The following IGF2BP2 variants were observed in gnomAD, a reference collection of about 807,000 sequenced individuals.
IGF2BP2 encodes insulin-like growth factor 2 mRNA-binding protein 2.
A neutral mutation model predicts 75.8 loss-of-function variants in IGF2BP2; 17 were observed. The observed-to-expected ratio is 0.22, with a 90% CI of 0.15 to 0.34. IGF2BP2 has a LOEUF of 0.34. Ranked by LOEUF, IGF2BP2 falls within the 10% of genes least tolerant of loss-of-function variation. The pLI, the probability that IGF2BP2 is intolerant of heterozygous loss-of-function variation, is 1.00. For synonymous variants in IGF2BP2, 288 were observed against 295.6 expected (o/e 0.97, Z 0.26); for missense variants, 516 against 772.4 (o/e 0.67, Z 3.93).
At chr3:185,780,754 C>A (rs1016590660) in intron 2 of IGF2BP2, among the ~76,000 whole-genome samples, 3 of 152,144 alleles carry the variant, frequency 2.0e-5, no homozygotes, top group Admixed American at 2.0e-4. Context: ...TATGTATAAT[C>A]ATAATAATAT....
At chr3:185,723,948 AG>A (rs1560361721) in intron 2 of IGF2BP2, among the ~76,000 whole-genome samples, 1 of 152,234 alleles carries the variant, frequency 6.6e-6, no homozygotes, top group Non-Finnish European at 1.5e-5. Flanking sequence ...GCGGGTAAGC[AG>A]GTTCGGTCTG....
chr3:185,649,911 T>G (rs561493530), intron 13 of IGF2BP2, among the ~76,000 whole-genome samples: 3 of 152,204 alleles, frequency 2.0e-5, no homozygotes, highest in Non-Finnish European at 2.9e-5. Flanking sequence ...CAGGGGATTC[T>G]TATCCCATCA....
intron 10 of IGF2BP2, 118 bp from the exon 11 acceptor site, chr3:185,658,527 G>T: frequency 1.3e-6 from 1 of 783,734 alleles, no homozygotes; most frequent in Non-Finnish European, 2.1e-6. Flanking sequence ...TGGCTCCACT[G>T]TCGTGTCTAC....
intron 2 of IGF2BP2, among the ~76,000 whole-genome samples, chr3:185,802,178 GA>G (rs903857429): frequency 1.4e-5 from 2 of 147,576 alleles, no homozygotes; most frequent in East Asian, 2.0e-4. Context: ...CTTAAAATTA[GA>G]AAAAAAAAAG....
Position 185,824,894 on chromosome 3 carries a change from A to G in IGF2BP2, c.67T>C (p.Phe23Leu). 6.4e-7 allele frequency: 1 copy of G among 1,572,710 alleles called. No homozygotes were observed. The highest frequency in any genetic ancestry group is 2.5e-5 in the East Asian group (1 of 40,782). The change falls in exon 1 of 16, where the codon TTT becomes CTT. Residue 23 changes from phenylalanine (F) to leucine (L), a missense_variant. Around this residue, in one of 3 missense-constraint regions of IGF2BP2, gnomAD observed 312 missense variants for 474.5 expected, o/e 0.66. Coordinates refer to ENST00000382199, the MANE Select transcript of IGF2BP2 (RefSeq NM_006548.6). Reference protein sequence around the residue: ...AVTADDLRQLFGDRKLPLAGQ... With the variant: ...AVTADDLRQLLGDRKLPLAGQ... ...GCCAGGGGCAGCTTCCTGTCCCCAA[A>G]GAGCTGCCGGAGGTCGTCGGCGGTG...
At chr3:185,746,897 T>C (rs945017849) in intron 2 of IGF2BP2, among the ~76,000 whole-genome samples, 1 of 152,198 alleles carries the variant, frequency 6.6e-6, no homozygotes, top group South Asian at 2.1e-4. Flanking sequence ...TCTGTAAAGA[T>C]CTAGGTATGC....
At chr3:185,823,992 G>A (rs1741702467) in intron 1 of IGF2BP2, among the ~76,000 whole-genome samples, 1 of 152,182 alleles carries the variant, frequency 6.6e-6, no homozygotes, top group Non-Finnish European at 1.5e-5. Context: ...CTCGTAAAAA[G>A]GTGCTTCTGG....
intron 2 of IGF2BP2, among the ~76,000 whole-genome samples, chr3:185,792,848 G>A (rs1736838275): frequency 4.6e-5 from 7 of 151,452 alleles, no homozygotes; most frequent in Admixed American, 4.6e-4. Flanking sequence ...GTACCACAGA[G>A]AGACCTGCGA....
chr3:185,737,380 G>C (rs1160188860), intron 2 of IGF2BP2, among the ~76,000 whole-genome samples: 1 of 152,162 alleles, frequency 6.6e-6, no homozygotes, highest in Non-Finnish European at 1.5e-5. Context: ...ATTGGACTGG[G>C]AGTCAAAAGT....
intron 2 of IGF2BP2, among the ~76,000 whole-genome samples, chr3:185,797,163 A>G (rs1199921382): frequency 6.6e-6 from 1 of 152,200 alleles, no homozygotes; most frequent in Non-Finnish European, 1.5e-5. Flanking sequence ...TCACCAATCA[A>G]TTATTTCAAC....
intron 2 of IGF2BP2, chr3:185,813,908 A>G (rs1740252013): frequency 6.6e-6 from 1 of 152,332 alleles, no homozygotes; most frequent in South Asian, 2.1e-4. Flanking sequence ...AGAATGAGAG[A>G]GGAAGTGGCC....
chr3:185,728,560 A>G (rs1359818705), intron 2 of IGF2BP2: 3 of 152,242 alleles, frequency 2.0e-5, no homozygotes, highest in African/African-American at 7.2e-5. Flanking sequence ...CCCATCAACC[A>G]GCCAATCACA....
chr3:185,667,069 G>A (rs527976896), intron 10 of IGF2BP2, among the ~76,000 whole-genome samples: 6 of 152,274 alleles, frequency 3.9e-5, no homozygotes, highest in Admixed American at 3.3e-4. Context: ...AGAGACAAAC[G>A]GAAGGGAATA....
intron 2 of IGF2BP2, among the ~76,000 whole-genome samples, chr3:185,727,338 C>A (rs907962995): frequency 2.6e-5 from 4 of 152,132 alleles, no homozygotes; most frequent in Admixed American, 6.5e-5. Flanking sequence ...GATCCAGAGG[C>A]TGTGGGGAGG....
In IGF2BP2 at chr3:185,645,724, G is replaced by A. The variant is rs1212728422; in HGVS notation, c.1708-101C>T. On this transcript the variant is annotated intron_variant, in intron 15 of 15. Coordinates refer to ENST00000382199, the MANE Select transcript of IGF2BP2 (RefSeq NM_006548.6). This position sits in a 1 kb window ranked among gnomAD's most constrained non-coding sequence, Gnocchi z 4.9. ...AGGCTCTGGGGCTTGGGGATGAAGG[G>A]TGGAATGCTCAGACAAGCATCATCT... The A allele has an allele frequency of 3.6e-6, 3 of 829,716 alleles. No individual in the cohort carries two copies. The African/African-American group carries it at 5.0e-5, about 14-fold the overall frequency. The allele number at this position is 829,716 out of a possible 1,614,324, so 51.4% of individuals were successfully genotyped here. A position where few individuals can be genotyped will look rare whatever the true frequency, so the allele number is the denominator to read the frequency against.
chr3:185,658,526 T>A, intron 10 of IGF2BP2, 117 bp from the exon 11 acceptor site: 1 of 789,386 alleles, frequency 1.3e-6, no homozygotes, highest in Non-Finnish European at 2.1e-6. Context: ...CTGGCTCCAC[T>A]GTCGTGTCTA....
chr3:185,681,860 C>A (rs1720439565), intron 7 of IGF2BP2, among the ~76,000 whole-genome samples: 1 of 152,240 alleles, frequency 6.6e-6, no homozygotes, highest in East Asian at 1.9e-4. Flanking sequence ...ACTGGACACA[C>A]ACATAGAAGA....
chr3:185,732,358 C>T (rs1728305247), intron 2 of IGF2BP2, among the ~76,000 whole-genome samples: 1 of 152,172 alleles, frequency 6.6e-6, no homozygotes. Flanking sequence ...CTTTCAGCAG[C>T]AATGTGGCTT....
chr3:185,680,661 G>C (rs747217859), intron 7 of IGF2BP2, among the ~76,000 whole-genome samples: 1 of 152,168 alleles, frequency 6.6e-6, no homozygotes, highest in Non-Finnish European at 1.5e-5. Flanking sequence ...AATTAATGGG[G>C]AGCTGGGCGC....
Sources: gnomAD v4.1 joint callset for allele counts (sites outside exome capture counted in the v4.1 genomes callset) on GRCh38, gnomAD v4.1.1 for gene constraint, gnomAD v4.1.1 regional missense constraint, Gnocchi (gnomAD v3.1) non-coding constraint, MANE v1.5 for transcripts, NCBI Gene and HGNC (gene_info 2026-07-23, HGNC 2026-07-21) for gene names.